Variants in HMGCLL1 observed in about 807,000 individuals in gnomAD.
HMGCLL1 encodes the protein 3-hydroxy-3-methylglutaryl-CoA lyase like 1, also known as 3-hydroxymethyl-3-methylglutaryl-CoA lyase, cytoplasmic.
Under a neutral mutation model 39.1 loss-of-function variants are expected in HMGCLL1, and 36 were observed. That is an observed-to-expected ratio of 0.92 (90% CI 0.71 to 1.22). The LOEUF is 1.22. HMGCLL1 is among the 50% of genes most tolerant of loss of function. The pLI, the probability that HMGCLL1 is intolerant of heterozygous loss-of-function variation, is 0.00. For missense variants in HMGCLL1, 451 were observed against 416.5 expected (o/e 1.08, Z -0.72); for synonymous variants, 149 against 144.0 (o/e 1.03, Z -0.25).
At chr6:55,669,018 G>A in the HMGCLL1 span, among the ~76,000 whole-genome samples, 7 of 150,550 alleles carry the variant, frequency 4.6e-5, no homozygotes, top group East Asian at 2.0e-4. Flanking sequence ...CTCAGACTTC[G>A]CACAGTAATA....
chr6:55,559,656 A>G (rs1000109894), intron 1 of HMGCLL1, among the ~76,000 whole-genome samples: 5 of 152,182 alleles, frequency 3.3e-5, no homozygotes, highest in African/African-American at 1.2e-4. Context: ...CACAAAGAAT[A>G]TGGGGTTGTG....
intron 7 of HMGCLL1, among the ~76,000 whole-genome samples, chr6:55,491,602 C>T (rs1263617539): frequency 2.6e-5 from 4 of 152,250 alleles, no homozygotes; most frequent in East Asian, 3.9e-4. Flanking sequence ...TTTGTTTCCT[C>T]ATTTCAGTGG....
Position 55,434,704 on chromosome 6 carries a change from T to A in HMGCLL1, c.*958A>T. 6.6e-6 allele frequency: 1 copy of A among 152,000 alleles called. No homozygotes were observed. The highest frequency in any genetic ancestry group is 6.6e-5 in the Admixed American group (1 of 15,218). The allele number at this position is 152,000 out of a possible 1,614,324, so 9.4% of individuals were successfully genotyped here. On this transcript the variant is annotated 3_prime_UTR_variant, in exon 9 of 9. Coordinates refer to ENST00000274901, the MANE Select transcript of HMGCLL1 (RefSeq NM_001042406.2). ...ATTTCAGCCACTTCAACTTCTAAAATAACCACTAAAAAATACACCAAAAAA... is the reference window on the plus strand; with the variant it reads ...ATTTCAGCCACTTCAACTTCTAAAAAAACCACTAAAAAATACACCAAAAAA...
At chr6:55,476,634 A>G (rs1765298468) in intron 7 of HMGCLL1, among the ~76,000 whole-genome samples, 1 of 151,700 alleles carries the variant, frequency 6.6e-6, no homozygotes, top group Non-Finnish European at 1.5e-5. Flanking sequence ...TGAGATAATC[A>G]CAAGATTTTT....
At position 55,435,772 on chromosome 6, in the gene HMGCLL1, G is replaced by C; in HGVS notation, c.922-9C>G. Reference sequence around the variant, plus strand: ...TTGTATAGATTCACACCCTGGTGACGAAATGAAGGAATATCAGGAAGGCAG... The same window carrying C: ...TTGTATAGATTCACACCCTGGTGACCAAATGAAGGAATATCAGGAAGGCAG... On this transcript the variant is annotated splice_polypyrimidine_tract_variant and intron_variant, in intron 8 of 8. Transcript: ENST00000274901. 6.9e-7 allele frequency: 1 copy of C among 1,454,676 alleles called. No individual in the cohort carries two copies. Among genetic ancestry groups the C allele is most frequent in the South Asian group, 1.2e-5 (1 of 81,082 alleles). The allele number at this position is 1,454,676 out of a possible 1,614,324, so 90.1% of individuals were successfully genotyped here.
chr6:55,558,681 C>T (rs1770794001), intron 1 of HMGCLL1, among the ~76,000 whole-genome samples: 1 of 152,094 alleles, frequency 6.6e-6, no homozygotes, highest in Non-Finnish European at 1.5e-5. Flanking sequence ...TCACTTAGTC[C>T]CATACATGGG....
In HMGCLL1 at chr6:55,495,594, A is replaced by C; in HGVS notation, c.620T>G (p.Leu207Trp). Residue 207 changes from leucine (L) to tryptophan (W), a missense_variant, in exon 7 of 9, where the codon TTG (leucine) becomes TGG (tryptophan). Coordinates refer to ENST00000274901, the MANE Select transcript of HMGCLL1 (RefSeq NM_001042406.2). ...PQKVTEVSKR[L>W]YGMGCYEISL... ...GATCTCATAACAACCCATGCCGTAC[A>C]ATCTCTTAGACACCTGTTGATAAAG... The C allele has an allele frequency of 1.2e-6, 2 of 1,607,740 alleles. No individual in the cohort carries two copies. Among genetic ancestry groups the C allele is most frequent in the Non-Finnish European group, 1.7e-6 (2 of 1,177,054 alleles).
chr6:55,439,688 C>G, intron 7 of HMGCLL1, 129 bp from the exon 8 acceptor site: 1 of 959,246 alleles, frequency 1.0e-6, no homozygotes, highest in South Asian at 1.8e-5. Context: ...ATTCACTTAC[C>G]CAGTGGCCTC....
intron 1 of HMGCLL1, among the ~76,000 whole-genome samples, chr6:55,571,170 T>C (rs1771467873): frequency 6.6e-6 from 1 of 152,228 alleles, no homozygotes; most frequent in East Asian, 1.9e-4. Flanking sequence ...TTTCTAACTT[T>C]ATTGTGTTCA....
chr6:55,622,268 C>A, the HMGCLL1 span, among the ~76,000 whole-genome samples: 1 of 151,938 alleles, frequency 6.6e-6, no homozygotes, highest in Non-Finnish European at 1.5e-5. Flanking sequence ...TTATTTCTTT[C>A]TCTTTTCTGA....
At chr6:55,437,669 A>T (rs975072912) in intron 8 of HMGCLL1, among the ~76,000 whole-genome samples, 7 of 152,024 alleles carry the variant, frequency 4.6e-5, no homozygotes, top group African/African-American at 1.7e-4. Flanking sequence ...CCTTTCAGGA[A>T]ATTAGAATCC....
At chr6:55,618,787 G>T in the HMGCLL1 span, among the ~76,000 whole-genome samples, 1 of 151,990 alleles carries the variant, frequency 6.6e-6, no homozygotes, top group African/African-American at 2.4e-5. Flanking sequence ...AAATTTAAAA[G>T]CTAAAAATCA....
Position 55,468,946 on chromosome 6 carries a change from T to C in HMGCLL1, c.795+26473A>G, listed in dbSNP as rs370380867. On this transcript the variant is annotated intron_variant, in intron 7 of 8. Transcript: ENST00000274901. ...ATATTTGACTAGAGACTACAAAATA[T>C]GTTTGGAGGTAGGGGAAAGAAAACT... 2.2e-3 allele frequency among the ~76,000 whole-genome samples: 339 copies of C among 151,886 alleles called. 1 individual carries two copies. The highest frequency in any genetic ancestry group is 4.1e-3 in the Non-Finnish European group (278 of 67,890).
At chr6:55,555,051 T>C (rs1770575454) in intron 1 of HMGCLL1, among the ~76,000 whole-genome samples, 1 of 152,236 alleles carries the variant, frequency 6.6e-6, no homozygotes. Context: ...ATCACTTCTC[T>C]GTTCAATATC....
At chr6:55,672,055 G>T in the HMGCLL1 span, among the ~76,000 whole-genome samples, 1 of 151,648 alleles carries the variant, frequency 6.6e-6, no homozygotes, top group African/African-American at 2.4e-5. Context: ...AGAGGAACAG[G>T]GAACCAGGGG....
At chr6:55,585,229 C>A in the HMGCLL1 span, among the ~76,000 whole-genome samples, 7 of 152,054 alleles carry the variant, frequency 4.6e-5, no homozygotes, top group African/African-American at 1.7e-4. Flanking sequence ...GAAATCAGAA[C>A]AAAGCCATAA....
intron 1 of HMGCLL1, among the ~76,000 whole-genome samples, chr6:55,554,750 G>A (rs1352330183): frequency 6.6e-6 from 1 of 152,030 alleles, no homozygotes; most frequent in African/African-American, 2.4e-5. Context: ...TCCTTGCCCA[G>A]GTCTAAGGCG....
chr6:55,474,971 G>A (rs1001401105), intron 7 of HMGCLL1, among the ~76,000 whole-genome samples: 2 of 151,500 alleles, frequency 1.3e-5, no homozygotes, highest in African/African-American at 2.4e-5. Context: ...GAGCCCTTTC[G>A]GTGTGGTGAT....
At chr6:55,677,691 G>A in the HMGCLL1 span, among the ~76,000 whole-genome samples, 4 of 152,116 alleles carry the variant, frequency 2.6e-5, no homozygotes, top group Non-Finnish European at 4.4e-5. Context: ...ACAGGGAGGT[G>A]CTTATTTTGC....
Sources: gnomAD v4.1 joint callset for allele counts (sites outside exome capture counted in the v4.1 genomes callset) on GRCh38, gnomAD v4.1.1 for gene constraint, MANE v1.5 for transcripts, NCBI Gene and HGNC (gene_info 2026-07-23, HGNC 2026-07-21) for gene names.